The following DPP3 variants were observed in gnomAD, a reference collection of about 807,000 sequenced individuals.
DPP3 encodes the protein DPP III.
In DPP3, 64 loss-of-function variants were observed where a neutral mutation model predicts 89.8. The observed-to-expected ratio is 0.71, with a 90% CI of 0.58 to 0.88. DPP3 has a LOEUF of 0.88. Ranked by LOEUF, DPP3 falls within the 40% of genes least tolerant of loss-of-function variation. DPP3 has a pLI of 0.00. For synonymous variants in DPP3, 377 were observed against 404.3 expected, an observed-to-expected ratio of 0.93 and a Z score of 0.81; for missense variants, 835 against 972.5, an observed-to-expected ratio of 0.86 and a Z score of 1.88.
At chr11:66,501,361 C>CA (rs908610259) in intron 16 of DPP3, among the ~76,000 whole-genome samples, 39 of 131,154 alleles carry the variant, frequency 3.0e-4, no homozygotes, top group African/African-American at 3.4e-4. Context: ...AATTACGTCT[C>CA]AAAAAAAAAA....
At chr11:66,505,291 G>A (rs1355711250) in intron 17 of DPP3, among the ~76,000 whole-genome samples, 1 of 152,166 alleles carries the variant, frequency 6.6e-6, no homozygotes, top group African/African-American at 2.4e-5. Context: ...CAGACCCCCT[G>A]GGGTTCCAGC....
intron 17 of DPP3, among the ~76,000 whole-genome samples, chr11:66,507,301 A>G (rs1188774205): frequency 6.6e-6 from 1 of 151,948 alleles, no homozygotes; most frequent in Non-Finnish European, 1.5e-5. Context: ...CCCCGTCTCT[A>G]CTAAAAATAC....
chr11:66,491,198 T>C, intron 6 of DPP3, 55 bp from the exon 7 acceptor site: 1 of 1,606,280 alleles, frequency 6.2e-7, no homozygotes. Flanking sequence ...GCCTTTTCTC[T>C]GAGTGAGGCC....
intron 17 of DPP3, among the ~76,000 whole-genome samples, chr11:66,507,687 G>GTTT (rs371473944): frequency 8.0e-6 from 1 of 125,646 alleles, no homozygotes; most frequent in East Asian, 2.4e-4. Context: ...ACTGTAAAAA[G>GTTT]TTTTTTTTTT....
chr11:66,502,686 G>T (rs576913517), intron 16 of DPP3, among the ~76,000 whole-genome samples: 2 of 152,056 alleles, frequency 1.3e-5, no homozygotes, highest in Non-Finnish European at 2.9e-5. Flanking sequence ...GGATGGTCTC[G>T]ATCTCCTGAC....
At chr11:66,484,899 G>C (rs1057236864) in intron 2 of DPP3, among the ~76,000 whole-genome samples, 2 of 152,198 alleles carry the variant, frequency 1.3e-5, no homozygotes, top group African/African-American at 2.4e-5. Context: ...TGGCTGAGAG[G>C]GTGCTGGGGT....
intron 12 of DPP3, 30 bp from the exon 13 acceptor site, chr11:66,495,176 C>T: frequency 6.2e-7 from 1 of 1,612,162 alleles, no homozygotes; most frequent in Non-Finnish European, 8.5e-7. Context: ...GTTGGGGGCG[C>T]CTTTCCCTCA....
chr11:66,499,685 G>A lies in DPP3; in HGVS notation c.1878+2208G>A, dbSNP rs140322826. Among the ~76,000 whole-genome samples the A allele has an allele frequency of 9.0e-3, 1,366 of 151,694 alleles. 19 individuals are homozygous for A. Among genetic ancestry groups the A allele is most frequent in the African/African-American group, 0.031 (1,278 of 41,378 alleles). On this transcript the variant is annotated intron_variant, in intron 16 of 17. Transcript: ENST00000531863. ...CTCAGGAGGCTGAGGCATGAGAATCGCTTGAATCTGGGAGTTGGAGGTTGC... is the reference window on the plus strand; with the variant it reads ...CTCAGGAGGCTGAGGCATGAGAATCACTTGAATCTGGGAGTTGGAGGTTGC...
intron 6 of DPP3, among the ~76,000 whole-genome samples, chr11:66,490,471 C>A (rs924469796): frequency 2.0e-5 from 3 of 152,198 alleles, no homozygotes; most frequent in Non-Finnish European, 1.5e-5. Flanking sequence ...AGCCCCCCAA[C>A]TTCACTCCAG....
intron 2 of DPP3, 89 bp from the exon 3 acceptor site, chr11:66,485,084 C>T: frequency 2.4e-6 from 3 of 1,271,600 alleles, no homozygotes; most frequent in Non-Finnish European, 2.3e-6. Flanking sequence ...CACACTGGCT[C>T]TGCTGGGGCA....
rs1431541937 is a variant in DPP3 at position 66,491,510 on chromosome 11, G to A, written c.815G>A (p.Ser272Asn). The A allele has an allele frequency of 3.7e-6, 6 of 1,609,746 alleles. No homozygotes were observed. ...LEKAKAYAAN[S>N]HQGQMLAQYI... Reference sequence around the variant, plus strand: ...TCACCTCAGGCCTATGCAGCCAACAGCCACCAGGGGCAGATGCTGGCCCAG... The same window carrying A: ...TCACCTCAGGCCTATGCAGCCAACAACCACCAGGGGCAGATGCTGGCCCAG... The change falls in exon 8 of 18, where the codon AGC becomes AAC. Residue 272 changes from serine (S) to asparagine (N), a missense_variant. Coordinates refer to ENST00000531863, the MANE Select transcript of DPP3 (RefSeq NM_130443.4).
At chr11:66,487,429 C>G (rs1424834330) in intron 5 of DPP3, 87 bp downstream of exon 5, 3 of 1,333,800 alleles carry the variant, frequency 2.2e-6, no homozygotes, top group Non-Finnish European at 3.2e-6. Flanking sequence ...ACTCCTGGGT[C>G]TCTGCTTGAC....
chr11:66,503,130 G>T (rs1855720506), intron 16 of DPP3, among the ~76,000 whole-genome samples: 1 of 151,634 alleles, frequency 6.6e-6, no homozygotes, highest in African/African-American at 2.4e-5. Context: ...ATCAAACCTG[G>T]CTAGTTTTTA....
At chr11:66,497,785 G>A (rs1467473121) in intron 16 of DPP3, among the ~76,000 whole-genome samples, 4 of 151,862 alleles carry the variant, frequency 2.6e-5, no homozygotes, top group Admixed American at 6.6e-5. Flanking sequence ...CAGCTACTCT[G>A]GAGGCGGAAG....
intron 17 of DPP3, among the ~76,000 whole-genome samples, chr11:66,505,506 G>A (rs1015461502): frequency 6.6e-6 from 1 of 152,182 alleles, no homozygotes; most frequent in African/African-American, 2.4e-5. Context: ...TGATGTTATC[G>A]TGAACCTGAA....
intron 16 of DPP3, among the ~76,000 whole-genome samples, chr11:66,498,141 T>C (rs1202533538): frequency 6.6e-6 from 1 of 151,600 alleles, no homozygotes; most frequent in Non-Finnish European, 1.5e-5. Flanking sequence ...TCGCCCAGGC[T>C]GGAGTGCAGT....
Position 66,492,835 on chromosome 11 carries a change from AC to A in DPP3, c.1112del (p.Pro371LeufsTer28), listed in dbSNP as rs760346012. Reference protein sequence around the residue: ...PPTFEKDKFLTPDFTSLDVLT... With the variant: ...PPTFEKDKFLXPDFTSLDVLT... The stretch of plus-strand genomic sequence containing the variant: ...AACCTTTGAGAAGGACAAGTTCCTC[AC>A]CCCTGACTTCACCTCCCTGGATGTT... On this transcript the variant is annotated frameshift_variant, in exon 10 of 18. Coordinates refer to ENST00000531863, the MANE Select transcript of DPP3 (RefSeq NM_130443.4). LOFTEE classifies it high-confidence loss of function. 2 of 1,613,930 alleles carry A rather than the reference AC, an allele frequency of 1.2e-6. No individual in the cohort carries two copies. The highest frequency in any genetic ancestry group is 2.2e-5 in the South Asian group (2 of 91,064).
chr11:66,497,330 A>C lies in DPP3; in HGVS notation c.1731A>C (p.Arg577Ser). 1 of 1,613,890 alleles carries C rather than the reference A, an allele frequency of 6.2e-7. No homozygotes were observed. Among genetic ancestry groups the C allele is most frequent in the Non-Finnish European group, 8.5e-7 (1 of 1,179,958 alleles). Reference sequence around the variant, plus strand: ...TGCAGGCCCGGTTTGTGATCCTGAGAGTCTTGCTGGAGGCTGGCGAGGGAC... The same window carrying C: ...TGCAGGCCCGGTTTGTGATCCTGAGCGTCTTGCTGGAGGCTGGCGAGGGAC... ...AHMQARFVIL[R>S]VLLEAGEGLV... Residue 577 changes from arginine (R) to serine (S), a missense_variant, in exon 16 of 18, where the codon AGA becomes AGC. Coordinates refer to ENST00000531863, the MANE Select transcript of DPP3 (RefSeq NM_130443.4).
chr11:66,497,615 A>G (rs1259370611), intron 16 of DPP3, 138 bp downstream of exon 16: 1 of 1,239,660 alleles, frequency 8.1e-7, no homozygotes, highest in African/African-American at 1.5e-5. Context: ...ATGTAAGCGC[A>G]CCGGGTGCCT....
Sources: allele counts gnomAD v4.1 joint callset (sites outside exome capture counted in the v4.1 genomes callset), GRCh38; gene constraint gnomAD v4.1.1; transcripts MANE v1.5; gene names NCBI Gene and HGNC (gene_info 2026-07-23, HGNC 2026-07-21).